The following DNER variants were observed in gnomAD, a reference collection of about 807,000 sequenced individuals.
The protein encoded by DNER is delta and Notch-like epidermal growth factor-related receptor.
DNER carries 33 observed loss-of-function variants against 78.2 expected under a neutral mutation model. That is an observed-to-expected ratio of 0.42 (90% CI 0.32 to 0.56). The LOEUF (loss-of-function observed/expected upper bound fraction) is 0.56, where lower values mean the gene tolerates loss of function less well. Ranked by LOEUF, DNER falls within the 20% of genes least tolerant of loss-of-function variation. DNER has a pLI of 0.11. For synonymous variants in DNER, 417 were observed against 384.8 expected (o/e 1.08, Z -0.98); for missense variants, 918 against 975.3 (o/e 0.94, Z 0.78).
At chr2:229,650,860 G>A (rs549372369) in intron 1 of DNER, among the ~76,000 whole-genome samples, 21 of 152,286 alleles carry the variant, frequency 1.4e-4, no homozygotes, top group African/African-American at 4.1e-4. Context: ...GGGACGCATC[G>A]GGTGGGCAGC....
At chr2:229,504,941 G>T (rs566335673) in intron 6 of DNER, among the ~76,000 whole-genome samples, 19 of 152,286 alleles carry the variant, frequency 1.2e-4, no homozygotes, top group African/African-American at 4.3e-4. Context: ...TGGTGGAAGG[G>T]ATAGCAGATG....
chr2:229,506,189 C>CTG (rs1553536219), intron 6 of DNER, among the ~76,000 whole-genome samples: 1,901 of 70,408 alleles, frequency 0.027, 28 homozygotes, highest in Middle Eastern at 0.1. Flanking sequence ...TTCCACAGGG[C>CTG]TGGGGGGCCT....
rs114316424 is a variant in DNER, at chr2:229,563,476, A to G, written c.848-16384T>C. On this transcript the variant is annotated intron_variant, in intron 4 of 12. Transcript: ENST00000341772. ...TCTTCATCATCACCCCATCGCCATTATCATCATCATCCTCACCCCATCATC... is the reference window on the plus strand; with the variant it reads ...TCTTCATCATCACCCCATCGCCATTGTCATCATCATCCTCACCCCATCATC... 4.8e-3 allele frequency among the ~76,000 whole-genome samples: 705 copies of G among 146,390 alleles called. 7 individuals carry two copies. Among genetic ancestry groups the G allele is most frequent in the African/African-American group, 0.017 (657 of 38,572 alleles).
chr2:229,525,398 T>C (rs1262763121), intron 5 of DNER, among the ~76,000 whole-genome samples: 2 of 152,234 alleles, frequency 1.3e-5, no homozygotes, highest in Admixed American at 6.5e-5. Context: ...GTCTTCCTAA[T>C]GGGAAGTGAA....
In DNER at chr2:229,525,878, G is replaced by A. The variant is rs1381256698; in HGVS notation, c.994-12942C>T. On this transcript the variant is annotated intron_variant, in intron 5 of 12. Transcript: ENST00000341772. ...AATCCATCTGCCTCAGCCTCCCAAA[G>A]TGCTGGGATTATTTCTTACTTTATT... Among the ~76,000 whole-genome samples, 3 of 152,180 alleles carry A rather than the reference G, an allele frequency of 2.0e-5. No homozygotes were observed. The East Asian group carries it at 5.8e-4, about 29-fold the overall frequency.
chr2:229,595,488 G>T (rs1390386518), intron 1 of DNER, among the ~76,000 whole-genome samples: 6 of 152,098 alleles, frequency 3.9e-5, no homozygotes, highest in African/African-American at 2.4e-5. Context: ...CACCATGTTG[G>T]CCAGGCTGGT....
intron 11 of DNER, among the ~76,000 whole-genome samples, chr2:229,374,885 G>A (rs1036666557): frequency 6.6e-6 from 1 of 152,208 alleles, no homozygotes; most frequent in African/African-American, 2.4e-5. Flanking sequence ...ATATTAGGCT[G>A]TGTGTTACAT....
intron 1 of DNER, among the ~76,000 whole-genome samples, chr2:229,672,357 T>C (rs984941269): frequency 1.3e-5 from 2 of 150,488 alleles, no homozygotes; most frequent in African/African-American, 2.5e-5. Context: ...ACTTTTGAGA[T>C]GGAAGCTCAG....
chr2:229,593,542 C>T (rs1185048257), intron 1 of DNER, among the ~76,000 whole-genome samples: 1 of 152,186 alleles, frequency 6.6e-6, no homozygotes, highest in Non-Finnish European at 1.5e-5. Flanking sequence ...ACTGTGTTCA[C>T]TGCTCTATTC....
At chr2:229,369,866 TG>T (rs1180808683) in intron 11 of DNER, among the ~76,000 whole-genome samples, 1 of 152,202 alleles carries the variant, frequency 6.6e-6, no homozygotes, top group Non-Finnish European at 1.5e-5. Context: ...TGAACTCATA[TG>T]GAAAAAAGGA....
At chr2:229,452,120 A>T (rs1366303215) in intron 7 of DNER, among the ~76,000 whole-genome samples, 1 of 152,190 alleles carries the variant, frequency 6.6e-6, no homozygotes, top group Non-Finnish European at 1.5e-5. Flanking sequence ...GCTACTGGAT[A>T]TCATCTATTT....
chr2:229,510,546 A>G (rs1486758932), intron 6 of DNER, among the ~76,000 whole-genome samples: 3 of 152,206 alleles, frequency 2.0e-5, no homozygotes, highest in South Asian at 2.1e-4. Flanking sequence ...TAGGTGGTAA[A>G]ATGGAGAGCA....
chr2:229,684,395 C>T (rs1699449744), intron 1 of DNER, among the ~76,000 whole-genome samples: 1 of 151,992 alleles, frequency 6.6e-6, no homozygotes, highest in South Asian at 2.1e-4. Context: ...GCTCTTCCTC[C>T]TCTACCCGGA....
chr2:229,642,205 C>T (rs1698637847), intron 1 of DNER, among the ~76,000 whole-genome samples: 1 of 152,064 alleles, frequency 6.6e-6, no homozygotes, highest in South Asian at 2.1e-4. Context: ...GGGGAAAGTA[C>T]CTAAGACATT....
At chr2:229,453,920 T>TAA (rs10602558) in intron 7 of DNER, among the ~76,000 whole-genome samples, 1,194 of 106,700 alleles carry the variant, frequency 0.011, 3 homozygotes, top group Middle Eastern at 0.017. Flanking sequence ...TAAAATATAT[T>TAA]AAAAAAAAAA....
At chr2:229,519,152 C>A (rs111363516) in intron 5 of DNER, among the ~76,000 whole-genome samples, 1 of 151,900 alleles carries the variant, frequency 6.6e-6, no homozygotes, top group Non-Finnish European at 1.5e-5. Context: ...TAATATAGAG[C>A]CAAATATCAT....
At chr2:229,635,361 GAAAAAAAAAAAA>G (rs58220819) in intron 1 of DNER, among the ~76,000 whole-genome samples, 7 of 85,876 alleles carry the variant, frequency 8.2e-5, no homozygotes, top group East Asian at 3.8e-4. Flanking sequence ...GGTCCCACAG[GAAAAAAAAAAAA>G]AAAAAAAAAA....
intron 1 of DNER, among the ~76,000 whole-genome samples, chr2:229,684,258 G>A (rs1482862967): frequency 6.6e-6 from 1 of 151,138 alleles, no homozygotes; most frequent in Non-Finnish European, 1.5e-5. Context: ...CCAATAGGAG[G>A]TGATGGCTGA....
chr2:229,575,355 C>G (rs1167699158), intron 4 of DNER, among the ~76,000 whole-genome samples: 1 of 152,170 alleles, frequency 6.6e-6, no homozygotes, highest in East Asian at 1.9e-4. Context: ...AACTGATGCT[C>G]AAAAACTGCA....
Sources: gnomAD v4.1 joint callset for allele counts (sites outside exome capture counted in the v4.1 genomes callset) on GRCh38, gnomAD v4.1.1 for gene constraint, MANE v1.5 for transcripts, NCBI Gene and HGNC (gene_info 2026-07-23, HGNC 2026-07-21) for gene names.